SLC39A8: variants seen among roughly 807,000 people sequenced by gnomAD.
SLC39A8 encodes solute carrier family 39 member 8.
SLC39A8 carries 15 observed loss-of-function variants against 40.4 expected under a neutral mutation model. The observed-to-expected ratio is 0.37, with a 90% CI of 0.25 to 0.57. The LOEUF (loss-of-function observed/expected upper bound fraction) is 0.57. Ranked by LOEUF, SLC39A8 falls within the 20% of genes least tolerant of loss-of-function variation. SLC39A8 has a pLI of 0.75. For synonymous variants in SLC39A8, 223 were observed against 221.6 expected (o/e 1.01, Z -0.06); for missense variants, 472 against 558.8 (o/e 0.84, Z 1.57).
chr4:102,302,133 G>A (rs1049164668), intron 6 of SLC39A8, among the ~76,000 whole-genome samples: 1 of 151,972 alleles, frequency 6.6e-6, no homozygotes, highest in Non-Finnish European at 1.5e-5. Context: ...TTCAAGGTTG[G>A]ACCAGGTTCA....
At chr4:102,335,467 T>C (rs181180327) in intron 2 of SLC39A8, among the ~76,000 whole-genome samples, 1 of 152,286 alleles carries the variant, frequency 6.6e-6, no homozygotes, top group East Asian at 1.9e-4. Context: ...GGGTCCTGGA[T>C]TCTTCGGCTT....
chr4:102,280,304 A>C (rs1413202379), intron 6 of SLC39A8, among the ~76,000 whole-genome samples: 2 of 152,294 alleles, frequency 1.3e-5, no homozygotes, highest in East Asian at 3.9e-4. Context: ...AGTTTTACAA[A>C]GTGTCTCTCC....
intron 4 of SLC39A8, among the ~76,000 whole-genome samples, chr4:102,305,401 G>A (rs1040485497): frequency 2.6e-5 from 4 of 151,940 alleles, no homozygotes; most frequent in Non-Finnish European, 4.4e-5. Flanking sequence ...CCTTGAAAGA[G>A]TAAACTTTTA....
chr4:102,311,028 T>A (rs1734404674), intron 3 of SLC39A8, among the ~76,000 whole-genome samples: 1 of 152,080 alleles, frequency 6.6e-6, no homozygotes, highest in Non-Finnish European at 1.5e-5. Flanking sequence ...ATGATACCCA[T>A]TTTGCAGACC....
In SLC39A8 at chr4:102,320,168, C is replaced by CATAT. The variant is rs70937533; in HGVS notation, c.220-4342_220-4339dup. Among the ~76,000 whole-genome samples, 174 of 101,930 alleles carry CATAT rather than the reference C, an allele frequency of 1.7e-3. 1 individual carries two copies. The highest frequency in any genetic ancestry group is 0.012 in the Middle Eastern group (2 of 170). 66.9% of individuals were successfully genotyped at this position (101,930 alleles called of 152,430 possible). A position where few individuals can be genotyped will look rare whatever the true frequency, so the allele number is the denominator to read the frequency against. Reference sequence around the variant, plus strand: ...CCTCATAATCTCTCATATATATATACATATATATATATATATATATATGTA... The same window carrying CATAT: ...CCTCATAATCTCTCATATATATATACATATATATATATATATATATATATATGTA... On this transcript the variant is annotated intron_variant, in intron 2 of 8. Coordinates refer to ENST00000356736, the MANE Select transcript of SLC39A8 (RefSeq NM_001135146.2).
chr4:102,309,210 C>CACACACACACACACA (rs1233641548), intron 3 of SLC39A8, among the ~76,000 whole-genome samples: 15 of 152,086 alleles, frequency 9.9e-5, no homozygotes, highest in South Asian at 6.2e-4. Flanking sequence ...ACCATGGCTC[C>CACACACACACACACA]TGCCACCACA....
At chr4:102,326,085 C>A (rs991007095) in intron 2 of SLC39A8, among the ~76,000 whole-genome samples, 1 of 152,184 alleles carries the variant, frequency 6.6e-6, no homozygotes, top group African/African-American at 2.4e-5. Context: ...CTTCAGGGGG[C>A]AGAGGCCACC....
intron 2 of SLC39A8, among the ~76,000 whole-genome samples, chr4:102,334,565 G>A (rs186911881): frequency 6.2e-4 from 94 of 152,308 alleles, no homozygotes; most frequent in African/African-American, 2.2e-3. Context: ...TCAAACAAGA[G>A]GGGAACATCA....
chr4:102,318,349 C>T (rs547628165), intron 2 of SLC39A8, among the ~76,000 whole-genome samples: 87 of 152,198 alleles, frequency 5.7e-4, no homozygotes, highest in African/African-American at 2.0e-3. Flanking sequence ...TGATAAAACT[C>T]AAAGCTCCCC....
At chr4:102,343,527 G>C (rs1736029607) in intron 2 of SLC39A8, among the ~76,000 whole-genome samples, 1 of 152,156 alleles carries the variant, frequency 6.6e-6, no homozygotes, top group African/African-American at 2.4e-5. Flanking sequence ...TGGGACAGGA[G>C]TAAAGGAAAA....
chr4:102,300,076 C>G (rs1386015064), intron 6 of SLC39A8, among the ~76,000 whole-genome samples: 1 of 152,006 alleles, frequency 6.6e-6, no homozygotes, highest in Non-Finnish European at 1.5e-5. Context: ...GTGCACCCCT[C>G]TTTTTCCTAC....
At chr4:102,308,412 A>G (rs1297075333) in intron 3 of SLC39A8, among the ~76,000 whole-genome samples, 1 of 152,118 alleles carries the variant, frequency 6.6e-6, no homozygotes, top group Admixed American at 6.5e-5. Context: ...AGTATTGCTT[A>G]GAATAAAATG....
At chr4:102,267,402 G>C in intron 8 of SLC39A8, 88 bp downstream of exon 8, 1 of 1,257,036 alleles carries the variant, frequency 8.0e-7, no homozygotes, top group East Asian at 2.5e-5. Context: ...ACTGCGGAAA[G>C]CAGAAGGCCA....
intron 3 of SLC39A8, among the ~76,000 whole-genome samples, chr4:102,312,391 T>A (rs946090145): frequency 6.6e-6 from 1 of 152,088 alleles, no homozygotes; most frequent in Non-Finnish European, 1.5e-5. Context: ...TAACTTAGAA[T>A]TGCTGACTTT....
At chr4:102,270,512 C>T (rs1732302840) in intron 6 of SLC39A8, among the ~76,000 whole-genome samples, 1 of 152,092 alleles carries the variant, frequency 6.6e-6, no homozygotes, top group South Asian at 2.1e-4. Flanking sequence ...AGTGAATATG[C>T]CTATCTCTCT....
chr4:102,343,980 A>G (rs1736047157), intron 2 of SLC39A8, among the ~76,000 whole-genome samples: 1 of 152,152 alleles, frequency 6.6e-6, no homozygotes. Context: ...GAACTACATT[A>G]TATCTCGTTT....
exon 12 of SLC39A8, chr4:102,251,859 TCTC>T (rs1422314382): frequency 6.6e-6 from 1 of 152,252 alleles, no homozygotes; most frequent in African/African-American, 2.4e-5. Flanking sequence ...GGGAATTTCA[TCTC>T]CTGCTGTTAA....
downstream of SLC39A8, among the ~76,000 whole-genome samples, chr4:102,259,211 TCCCCCTGTACTC>T (rs1342421223): frequency 6.6e-6 from 1 of 152,190 alleles, no homozygotes; most frequent in Non-Finnish European, 1.5e-5. Context: ...CAAGGAGATT[TCCCCCTGTACTC>T]ATAACTTTTC....
intron 6 of SLC39A8, among the ~76,000 whole-genome samples, chr4:102,291,435 A>G (rs1206484375): frequency 6.6e-6 from 1 of 151,896 alleles, no homozygotes; most frequent in East Asian, 1.9e-4. Flanking sequence ...CTCTTTCTTG[A>G]AAATTATTCC....
Sources: gnomAD v4.1 joint callset for allele counts (sites outside exome capture counted in the v4.1 genomes callset) on GRCh38, gnomAD v4.1.1 for gene constraint, MANE v1.5 for transcripts, NCBI Gene and HGNC (gene_info 2026-07-23, HGNC 2026-07-21) for gene names.